PRKG1: variants seen among roughly 807,000 people sequenced by gnomAD.
PRKG1 encodes protein kinase cGMP-dependent 1.
A neutral mutation model predicts 88.1 loss-of-function variants in PRKG1; 35 were observed. The observed-to-expected ratio is 0.40, with a 90% CI of 0.30 to 0.53. The LOEUF is 0.53. PRKG1 is among the 20% of genes least tolerant of loss of function. The pLI is 0.59. For missense variants in PRKG1, 540 were observed against 839.8 expected (o/e 0.64, Z 4.41); for synonymous variants, 303 against 292.5 (o/e 1.04, Z -0.37).
intron 8 of PRKG1, among the ~76,000 whole-genome samples, chr10:52,146,454 G>C (rs769575216): frequency 6.6e-6 from 1 of 152,084 alleles, no homozygotes; most frequent in Non-Finnish European, 1.5e-5. Flanking sequence ...TAGATAAATA[G>C]TCATTAATTT....
chr10:52,218,752 T>G (rs1418591980), intron 9 of PRKG1, among the ~76,000 whole-genome samples: 1 of 152,164 alleles, frequency 6.6e-6, no homozygotes, highest in Non-Finnish European at 1.5e-5. Flanking sequence ...AAATTTCCCT[T>G]TTGATACCTT....
At chr10:52,061,318 A>G (rs1373202364) in intron 6 of PRKG1, among the ~76,000 whole-genome samples, 3 of 151,950 alleles carry the variant, frequency 2.0e-5, no homozygotes, top group Non-Finnish European at 2.9e-5. Context: ...TTTGACATCT[A>G]ATCTCTAGAT....
At chr10:51,210,191 T>G (rs1482048755) in intron 2 of PRKG1, among the ~76,000 whole-genome samples, 2 of 152,126 alleles carry the variant, frequency 1.3e-5, no homozygotes, top group Middle Eastern at 3.2e-3. Context: ...GCATGGAAAC[T>G]GAACAACCTG....
intron 3 of PRKG1, among the ~76,000 whole-genome samples, chr10:51,702,497 A>G (rs745889874): frequency 6.6e-6 from 1 of 152,122 alleles, no homozygotes; most frequent in Non-Finnish European, 1.5e-5. Flanking sequence ...CATAAAGTTT[A>G]AATTTTAGAT....
chr10:51,408,883 G>A (rs990639911), intron 2 of PRKG1, among the ~76,000 whole-genome samples: 2 of 152,128 alleles, frequency 1.3e-5, no homozygotes, highest in African/African-American at 4.8e-5. Context: ...CACTCACATG[G>A]GATACAATGA....
intron 8 of PRKG1, among the ~76,000 whole-genome samples, chr10:52,157,637 C>A (rs536001178): frequency 4.6e-5 from 7 of 151,400 alleles, no homozygotes; most frequent in African/African-American, 1.7e-4. Context: ...AAAACAGACA[C>A]GTTTTCTAAA....
intron 3 of PRKG1, among the ~76,000 whole-genome samples, chr10:51,711,673 C>G (rs956580285): frequency 6.6e-6 from 1 of 152,208 alleles, no homozygotes; most frequent in African/African-American, 2.4e-5. Flanking sequence ...TTTTTGTCTA[C>G]TTCCTTTGGA....
chr10:51,119,812 G>A (rs1005864188), intron 1 of PRKG1, among the ~76,000 whole-genome samples: 1 of 151,964 alleles, frequency 6.6e-6, no homozygotes, highest in Admixed American at 6.6e-5. Context: ...CTTTGGATTC[G>A]TATAAAAAAT....
intron 5 of PRKG1, chr10:51,910,644 G>C (rs1842195840): frequency 6.6e-6 from 1 of 152,132 alleles, no homozygotes; most frequent in Admixed American, 6.6e-5. Flanking sequence ...TTATGTGTCT[G>C]TTTTTTAGCC....
chr10:51,946,627 G>T lies in PRKG1; in HGVS notation c.762+39057G>T, dbSNP rs189324763. 7.2e-5 allele frequency among the ~76,000 whole-genome samples: 11 copies of T among 152,132 alleles called. No individual in the cohort carries two copies. In the East Asian group the frequency reaches 1.9e-3, roughly 27 times the overall value. On this transcript the variant is annotated intron_variant, in intron 5 of 17. Coordinates refer to ENST00000373980, the MANE Select transcript of PRKG1 (RefSeq NM_006258.4). ...TGGTCTTTGATGATGGTGATGTACA[G>T]GTGGGTTTTTGGTGCAGATGTCCTT...
intron 3 of PRKG1, among the ~76,000 whole-genome samples, chr10:51,627,439 T>C (rs539335372): frequency 6.6e-6 from 1 of 152,322 alleles, no homozygotes; most frequent in Admixed American, 6.5e-5. Flanking sequence ...AAGAGTTTCA[T>C]ATAAGGACTA....
At chr10:51,743,105 C>T (rs894981504) in intron 3 of PRKG1, among the ~76,000 whole-genome samples, 1 of 151,930 alleles carries the variant, frequency 6.6e-6, no homozygotes, top group African/African-American at 2.4e-5. Flanking sequence ...GCTCTTTCTC[C>T]GGGAAAACCA....
At chr10:51,443,354 TA>T in intron 2 of PRKG1, among the ~76,000 whole-genome samples, 1 of 152,160 alleles carries the variant, frequency 6.6e-6, no homozygotes, top group Admixed American at 6.6e-5. Flanking sequence ...AACTTTAAAA[TA>T]TTTACTCTCT....
At chr10:51,241,977 T>TA (rs567149844) in intron 2 of PRKG1, among the ~76,000 whole-genome samples, 2,647 of 107,858 alleles carry the variant, frequency 0.025, 74 homozygotes, top group African/African-American at 0.076. Context: ...GCTGGAACAA[T>TA]AAAAAAAAAA....
intron 2 of PRKG1, among the ~76,000 whole-genome samples, chr10:51,440,833 G>A (rs969371764): frequency 7.9e-5 from 12 of 151,846 alleles, no homozygotes; most frequent in Admixed American, 2.0e-4. Flanking sequence ...AAGAAGTTAC[G>A]AGAGAGCAAC....
intron 3 of PRKG1, among the ~76,000 whole-genome samples, chr10:51,508,361 T>A (rs548868240): frequency 2.8e-4 from 43 of 152,272 alleles, no homozygotes; most frequent in African/African-American, 9.9e-4. Flanking sequence ...ATAATATTTT[T>A]AAAAATAACT....
chr10:52,023,670 T>C (rs918860934), intron 5 of PRKG1, among the ~76,000 whole-genome samples: 16 of 152,262 alleles, frequency 1.1e-4, no homozygotes, highest in Non-Finnish European at 1.6e-4. Context: ...TGGCCAGTGA[T>C]GGCGAGCATT....
intron 1 of PRKG1, among the ~76,000 whole-genome samples, chr10:51,104,423 C>G (rs1365894344): frequency 6.6e-6 from 1 of 152,168 alleles, no homozygotes; most frequent in Non-Finnish European, 1.5e-5. Flanking sequence ...AAATGCGTGA[C>G]AAGAGATAGT....
chr10:52,101,444 A>G (rs1044341058), intron 7 of PRKG1, among the ~76,000 whole-genome samples: 3 of 152,214 alleles, frequency 2.0e-5, no homozygotes, highest in Admixed American at 1.3e-4. Context: ...CCCTACTCAT[A>G]TATTGCCTAG....
Sources: allele counts gnomAD v4.1 joint callset (sites outside exome capture counted in the v4.1 genomes callset), GRCh38; gene constraint gnomAD v4.1.1; transcripts MANE v1.5; gene names NCBI Gene and HGNC (gene_info 2026-07-23, HGNC 2026-07-21).